CDCA4: variants seen among roughly 807,000 people sequenced by gnomAD.
CDCA4 encodes cell division cycle-associated protein 4.
For synonymous variants in CDCA4, 130 were observed against 137.0 expected (o/e 0.95, Z 0.36); for missense variants, 294 against 322.1 (o/e 0.91, Z 0.67).
At chr14:105,012,441 C>T (rs1003872002) in intron 1 of CDCA4, among the ~76,000 whole-genome samples, 1 of 152,214 alleles carries the variant, frequency 6.6e-6, no homozygotes, top group African/African-American at 2.4e-5. Flanking sequence ...CAGGATCCTG[C>T]CTCGGACAAA....
chr14:105,018,317 T>G (rs940332294), intron 1 of CDCA4, among the ~76,000 whole-genome samples: 5 of 152,106 alleles, frequency 3.3e-5, no homozygotes, highest in African/African-American at 1.2e-4. Flanking sequence ...CTTCAAATCA[T>G]TCCTCTCCAA....
At chr14:105,012,017 T>C in intron 1 of CDCA4, 82 bp from the exon 2 acceptor site, 1 of 1,482,228 alleles carries the variant, frequency 6.7e-7, no homozygotes, top group Non-Finnish European at 9.1e-7. Context: ...CTGACTGCCC[T>C]CACTGTACGC....
Position 105,011,126 on chromosome 14 carries a change from G to C in CDCA4, c.*78C>G. The C allele has an allele frequency of 6.7e-7, 1 of 1,483,660 alleles. No homozygotes were observed. Among genetic ancestry groups the C allele is most frequent in the Admixed American group, 2.3e-5 (1 of 43,562 alleles). The allele number at this position is 1,483,660 out of a possible 1,614,324, so 91.9% of individuals were successfully genotyped here. On this transcript the variant is annotated 3_prime_UTR_variant, in exon 2 of 2. Transcript: ENST00000336219. Reference sequence around the variant, plus strand: ...AGGGCAGCAAGGCTGGGCCGCTGGCGGCAGGCGCACCCTCCGTGGGAGCCA... The same window carrying C: ...AGGGCAGCAAGGCTGGGCCGCTGGCCGCAGGCGCACCCTCCGTGGGAGCCA...
At chr14:105,013,693 C>T (rs1357560927) in intron 1 of CDCA4, among the ~76,000 whole-genome samples, 1 of 152,150 alleles carries the variant, frequency 6.6e-6, no homozygotes, top group Non-Finnish European at 1.5e-5. Context: ...TGGAGGCTCC[C>T]ACCTGCTGGT....
At position 105,011,081 on chromosome 14, in the gene CDCA4, A is replaced by G; in HGVS notation, c.*123T>C. ...CCCACTGGTAATGGGCTGTTCTGGG[A>G]TTTCTCAGAATCAGCAGACAGGGCA... On this transcript the variant is annotated 3_prime_UTR_variant, in exon 2 of 2. Coordinates refer to ENST00000336219, the MANE Select transcript of CDCA4 (RefSeq NM_017955.4). 1.6e-6 allele frequency: 2 copies of G among 1,213,116 alleles called. No homozygotes were observed. The highest frequency in any genetic ancestry group is 2.2e-6 in the Non-Finnish European group (2 of 890,886). 75.1% of individuals were successfully genotyped at this position (1,213,116 alleles called of 1,614,324 possible).
intron 1 of CDCA4, among the ~76,000 whole-genome samples, chr14:105,012,773 G>A (rs548925157): frequency 1.4e-4 from 22 of 152,240 alleles, no homozygotes; most frequent in Non-Finnish European, 2.8e-4. Flanking sequence ...CTCCCAAGGT[G>A]CACAGGCTCT....
At chr14:105,020,644 C>T (rs2140913233) in intron 1 of CDCA4, among the ~76,000 whole-genome samples, 1 of 152,338 alleles carries the variant, frequency 6.6e-6, no homozygotes, top group East Asian at 1.9e-4. Flanking sequence ...AGCCGAGGTA[C>T]GGGAAACGCC....
chr14:105,011,371 G>T lies in CDCA4; in HGVS notation c.559C>A (p.Pro187Thr), dbSNP rs1357420207. 6 of 1,614,222 alleles carry T rather than the reference G, an allele frequency of 3.7e-6. No individual in the cohort carries two copies. Among genetic ancestry groups the T allele is most frequent in the Non-Finnish European group, 5.1e-6 (6 of 1,180,034 alleles). Reference protein sequence around the residue: ...MEELFSDVDSPYYDLDTVLTG... With the variant: ...MEELFSDVDSTYYDLDTVLTG... Reference sequence around the variant, plus strand: ...AGTACTGTGTCCAGGTCGTAGTAGGGGCTGTCCACGTCTGAGAACAGCTCT... The same window carrying T: ...AGTACTGTGTCCAGGTCGTAGTAGGTGCTGTCCACGTCTGAGAACAGCTCT... Residue 187 changes from proline to threonine, a missense_variant, in exon 2 of 2, where the codon CCC (proline) becomes ACC (threonine). By Grantham distance (38) the Pro-to-Thr change is conservative (BLOSUM62 -1). Transcript: ENST00000336219.
intron 1 of CDCA4, among the ~76,000 whole-genome samples, chr14:105,018,216 G>C (rs927159436): frequency 6.0e-5 from 9 of 150,520 alleles, no homozygotes; most frequent in Admixed American, 3.3e-4. Flanking sequence ...AGTTCTACAA[G>C]GGACGAGAGA....
In CDCA4 at chr14:105,010,683, A is replaced by G. The variant is rs1900475443; in HGVS notation, c.*521T>C. 6.5e-6 allele frequency: 1 copy of G among 153,504 alleles called. No homozygotes were observed. Among genetic ancestry groups the G allele is most frequent in the Non-Finnish European group, 1.5e-5 (1 of 68,724 alleles). The allele number at this position is 153,504 out of a possible 1,614,324, so 9.5% of individuals were successfully genotyped here. ...AAACCCTTATTTAAACCTTAAAAAAATGAAACACACCAACTGCAATTGTTT... is the reference window on the plus strand; with the variant it reads ...AAACCCTTATTTAAACCTTAAAAAAGTGAAACACACCAACTGCAATTGTTT... On this transcript the variant is annotated 3_prime_UTR_variant, in exon 2 of 2. Coordinates refer to ENST00000336219, the MANE Select transcript of CDCA4 (RefSeq NM_017955.4).
At chr14:105,018,993 T>C (rs1886155084) in intron 1 of CDCA4, among the ~76,000 whole-genome samples, 1 of 152,026 alleles carries the variant, frequency 6.6e-6, no homozygotes, top group South Asian at 2.1e-4. Flanking sequence ...CATCTCGGCC[T>C]CCCAAAGTGC....
intron 1 of CDCA4, among the ~76,000 whole-genome samples, chr14:105,013,360 C>T (rs768696489): frequency 2.0e-5 from 3 of 152,184 alleles, no homozygotes; most frequent in Non-Finnish European, 2.9e-5. Context: ...GCCATACTGG[C>T]CGGCAGAGTC....
intron 1 of CDCA4, among the ~76,000 whole-genome samples, chr14:105,012,665 G>T (rs1900538367): frequency 6.6e-6 from 1 of 152,192 alleles, no homozygotes; most frequent in Non-Finnish European, 1.5e-5. Context: ...AGCCTATGTG[G>T]CCCTGGACAG....
chr14:105,020,363 T>C (rs917647265), intron 1 of CDCA4, among the ~76,000 whole-genome samples: 3 of 152,212 alleles, frequency 2.0e-5, no homozygotes, highest in African/African-American at 7.2e-5. Context: ...AGACCCTCTA[T>C]TCCAGCAAGC....
At chr14:105,019,951 G>A (rs968697242) in intron 1 of CDCA4, among the ~76,000 whole-genome samples, 1 of 152,208 alleles carries the variant, frequency 6.6e-6, no homozygotes, top group Non-Finnish European at 1.5e-5. Context: ...GACCTCAGGA[G>A]ATCCACCCGC....
chr14:105,015,423 G>A (rs774944185), intron 1 of CDCA4, among the ~76,000 whole-genome samples: 9 of 152,236 alleles, frequency 5.9e-5, no homozygotes, highest in African/African-American at 9.7e-5. Flanking sequence ...ATTATCTGCC[G>A]CCATCAGTCG....
At chr14:105,014,211 G>A (rs1411732085) in intron 1 of CDCA4, among the ~76,000 whole-genome samples, 3 of 152,148 alleles carry the variant, frequency 2.0e-5, no homozygotes, top group African/African-American at 7.2e-5. Flanking sequence ...TGTGGGGGTG[G>A]CCCTACCCTG....
rs1422309414 is a variant in CDCA4, at chr14:105,010,811, T to TA, written c.*392dup. ...CTAAAGAGATAAGGTATAAAAAGTT[T>TA]AAAAAATATATCTTAAGACAAAATA... On this transcript the variant is annotated 3_prime_UTR_variant, in exon 2 of 2. Coordinates refer to ENST00000336219, the MANE Select transcript of CDCA4 (RefSeq NM_017955.4). 1 of 186,894 alleles carries TA rather than the reference T, an allele frequency of 5.4e-6. No homozygotes were observed. The highest frequency in any genetic ancestry group is 1.1e-5 in the Non-Finnish European group (1 of 91,826). The allele number at this position is 186,894 out of a possible 1,614,324, so 11.6% of individuals were successfully genotyped here. A position where few individuals can be genotyped will look rare whatever the true frequency, so the allele number is the denominator to read the frequency against.
At chr14:105,014,340 T>C (rs1900589433) in intron 1 of CDCA4, among the ~76,000 whole-genome samples, 1 of 152,198 alleles carries the variant, frequency 6.6e-6, no homozygotes, top group African/African-American at 2.4e-5. Context: ...GAAGGGCACA[T>C]AGGACCTCCT....
Sources: allele counts gnomAD v4.1 joint callset (sites outside exome capture counted in the v4.1 genomes callset), GRCh38; gene constraint gnomAD v4.1.1; transcripts MANE v1.5; gene names NCBI Gene and HGNC (gene_info 2026-07-23, HGNC 2026-07-21).